The following BACE2 variants were observed in gnomAD, a reference collection of about 807,000 sequenced individuals.
BACE2 encodes the protein beta-secretase 2, also known as 56 kDa aspartic-like protease.
Under a neutral mutation model 46.2 loss-of-function variants are expected in BACE2, and 17 were observed. The ratio of observed to expected loss-of-function variants is 0.37; its 90% CI spans 0.25 to 0.55. The LOEUF (loss-of-function observed/expected upper bound fraction) is 0.55. Ranked by LOEUF, BACE2 falls within the 20% of genes least tolerant of loss-of-function variation. The pLI is 0.82. For missense variants in BACE2, 595 were observed against 698.1 expected (o/e 0.85, Z 1.66); for synonymous variants, 277 against 295.9 (o/e 0.94, Z 0.66).
At chr21:41,173,312 T>C (rs995999313) in intron 1 of BACE2, among the ~76,000 whole-genome samples, 6 of 152,238 alleles carry the variant, frequency 3.9e-5, no homozygotes, top group Non-Finnish European at 8.8e-5. Flanking sequence ...ATGACGATTT[T>C]AGTGCTGTAT....
intron 1 of BACE2, among the ~76,000 whole-genome samples, chr21:41,221,827 CAA>C (rs58502168): frequency 7.3e-4 from 72 of 98,710 alleles, no homozygotes; most frequent in African/African-American, 1.9e-3. Flanking sequence ...GACTCTGTCT[CAA>C]AAAAAAAAAA....
At chr21:41,218,902 C>T (rs1054545084) in intron 1 of BACE2, among the ~76,000 whole-genome samples, 2 of 148,426 alleles carry the variant, frequency 1.3e-5, no homozygotes, top group African/African-American at 5.0e-5. Context: ...CTCGCTCTGT[C>T]ACCAGGCTGG....
chr21:41,218,063 A>G (rs965064257), intron 1 of BACE2, among the ~76,000 whole-genome samples: 9 of 152,236 alleles, frequency 5.9e-5, no homozygotes, highest in African/African-American at 2.2e-4. Context: ...TAAGGCAGCC[A>G]TAAGAAATTA....
intron 1 of BACE2, among the ~76,000 whole-genome samples, chr21:41,204,560 C>G (rs1010572278): frequency 6.6e-6 from 1 of 152,208 alleles, no homozygotes; most frequent in African/African-American, 2.4e-5. Context: ...CTCCAGCAAA[C>G]ATATTTAACA....
At chr21:41,264,397 A>G (rs1381524731) in intron 8 of BACE2, among the ~76,000 whole-genome samples, 1 of 152,102 alleles carries the variant, frequency 6.6e-6, no homozygotes, top group Non-Finnish European at 1.5e-5. Flanking sequence ...AGCCTGGGCA[A>G]CTGTGTTAGT....
chr21:41,250,966 C>T, intron 7 of BACE2, 65 bp downstream of exon 7: 1 of 1,467,592 alleles, frequency 6.8e-7, no homozygotes. Flanking sequence ...CCATGCATGA[C>T]ACGTGTATTA....
chr21:41,253,469 CTT>C (rs1987696268), intron 7 of BACE2, among the ~76,000 whole-genome samples: 1 of 151,156 alleles, frequency 6.6e-6, no homozygotes, highest in African/African-American at 2.4e-5. Context: ...ATCACGTGCT[CTT>C]GATGATTACA....
chr21:41,243,477 T>C lies in BACE2; in HGVS notation c.849T>C (p.Ile283=). ...AGATAGAAATTCTGAAATTGGAAAT[T>C]GGAGGCCAAAGCCTTAATCTGGACT... ...YYQIEILKLE[I]GGQSLNLDCR... Residue 283 remains isoleucine (I), a synonymous_variant, in exon 5 of 9, where the codon ATT becomes ATC. Coordinates refer to ENST00000330333, the MANE Select transcript of BACE2 (RefSeq NM_012105.5). The C allele has an allele frequency of 6.2e-7, 1 of 1,612,872 alleles. No homozygotes were observed. The highest frequency in any genetic ancestry group is 1.7e-5 in the Admixed American group (1 of 59,862).
At chr21:41,198,553 A>T (rs148119370) in intron 1 of BACE2, among the ~76,000 whole-genome samples, 31 of 152,330 alleles carry the variant, frequency 2.0e-4, no homozygotes, top group African/African-American at 7.0e-4. Flanking sequence ...CTACCAAAGC[A>T]GTTCCAGATA....
intron 8 of BACE2, among the ~76,000 whole-genome samples, chr21:41,262,698 A>G (rs1164548690): frequency 6.6e-6 from 1 of 152,128 alleles, no homozygotes; most frequent in Non-Finnish European, 1.5e-5. Context: ...CTACTCCAGT[A>G]TTTTGTAATT....
At chr21:41,233,947 C>T (rs1987037871) in intron 2 of BACE2, among the ~76,000 whole-genome samples, 1 of 152,126 alleles carries the variant, frequency 6.6e-6, no homozygotes, top group Non-Finnish European at 1.5e-5. Context: ...GGTGACATAG[C>T]GAGACTCCAT....
chr21:41,194,500 G>A (rs184666755), intron 1 of BACE2, among the ~76,000 whole-genome samples: 6 of 152,284 alleles, frequency 3.9e-5, no homozygotes, highest in Admixed American at 1.3e-4. Flanking sequence ...GTTTCCTGGG[G>A]GACTTTAGGG....
chr21:41,271,398 G>C (rs2088432631), intron 8 of BACE2, among the ~76,000 whole-genome samples: 1 of 152,162 alleles, frequency 6.6e-6, no homozygotes, highest in Non-Finnish European at 1.5e-5. Context: ...TCAGAAAGAA[G>C]CTAACCTAAA....
chr21:41,188,437 A>C (rs566281567), intron 1 of BACE2, among the ~76,000 whole-genome samples: 1 of 152,330 alleles, frequency 6.6e-6, no homozygotes, highest in Non-Finnish European at 1.5e-5. Flanking sequence ...GGAAGCTGAG[A>C]GGCCGAAGAA....
At chr21:41,177,217 G>T (rs1984887261) in intron 1 of BACE2, 1 of 152,232 alleles carries the variant, frequency 6.6e-6, no homozygotes, top group Non-Finnish European at 1.5e-5. Flanking sequence ...GTTAAATTAG[G>T]CAGTCTTGGG....
At chr21:41,218,212 CAGTAACCA>C (rs1404083499) in intron 1 of BACE2, among the ~76,000 whole-genome samples, 6 of 152,098 alleles carry the variant, frequency 3.9e-5, no homozygotes, top group Non-Finnish European at 2.9e-5. Context: ...AAGAATTCTT[CAGTAACCA>C]AGGAGAAAAA....
chr21:41,267,523 A>G (rs749128758), intron 8 of BACE2, among the ~76,000 whole-genome samples: 2 of 152,232 alleles, frequency 1.3e-5, no homozygotes, highest in East Asian at 1.9e-4. Context: ...CTTGAGGCAC[A>G]TGATGGATTA....
At chr21:41,219,973 C>T (rs1391927529) in intron 1 of BACE2, among the ~76,000 whole-genome samples, 1 of 152,190 alleles carries the variant, frequency 6.6e-6, no homozygotes, top group Non-Finnish European at 1.5e-5. Context: ...CCCAGTCCCC[C>T]AAGACTGCCC....
chr21:41,191,706 C>T (rs1379232175), intron 1 of BACE2, among the ~76,000 whole-genome samples: 3 of 152,186 alleles, frequency 2.0e-5, no homozygotes, highest in Non-Finnish European at 4.4e-5. Flanking sequence ...TGTGTAACCT[C>T]CATCCCTGCT....
Sources: gnomAD v4.1 joint callset for allele counts (sites outside exome capture counted in the v4.1 genomes callset) on GRCh38, gnomAD v4.1.1 for gene constraint, MANE v1.5 for transcripts, NCBI Gene and HGNC (gene_info 2026-07-23, HGNC 2026-07-21) for gene names.